Variants in PXDNL observed in about 807,000 individuals in gnomAD.
PXDNL encodes probable oxidoreductase PXDNL.
PXDNL carries 145 observed loss-of-function variants against 150.8 expected under a neutral mutation model. That is an observed-to-expected ratio of 0.96 (90% CI 0.84 to 1.10). The LOEUF (loss-of-function observed/expected upper bound fraction) is 1.10, where lower values mean the gene tolerates loss of function less well. Ranked by LOEUF, PXDNL falls within the 50% of genes least tolerant of loss-of-function variation. The probability of loss-of-function intolerance (pLI) is 0.00; values close to 1 mark genes in which losing one functional copy is unlikely to be tolerated. For missense variants in PXDNL, 2,087 were observed against 1,873.9 expected (o/e 1.11, Z -2.10); for synonymous variants, 757 against 725.7 (o/e 1.04, Z -0.69).
intron 2 of PXDNL, among the ~76,000 whole-genome samples, chr8:51,623,152 C>T (rs902605186): frequency 8.5e-5 from 13 of 152,142 alleles, no homozygotes; most frequent in Admixed American, 8.5e-4. Context: ...TTTCATTGTC[C>T]TCTCTCTGGC....
At chr8:51,502,797 G>C (rs1276086216) in intron 4 of PXDNL, among the ~76,000 whole-genome samples, 1 of 151,988 alleles carries the variant, frequency 6.6e-6, no homozygotes, top group Non-Finnish European at 1.5e-5. Flanking sequence ...ATCCTCCATA[G>C]TTTGCACAGG....
At chr8:51,803,573 C>G (rs1232651740) in intron 1 of PXDNL, among the ~76,000 whole-genome samples, 3 of 152,170 alleles carry the variant, frequency 2.0e-5, no homozygotes, top group Admixed American at 2.0e-4. Flanking sequence ...CCTCCTGAGT[C>G]TTCGGTAGAT....
At chr8:51,374,771 A>G (rs181302149) in intron 17 of PXDNL, 40 bp from the exon 18 acceptor site, 642 of 1,597,550 alleles carry the variant, frequency 4.0e-4, no homozygotes, top group Non-Finnish European at 5.0e-4. Context: ...CCTGAGACTG[A>G]AAGTGGAATT....
At position 51,319,958 on chromosome 8, in the gene PXDNL, A is replaced by C. The variant is rs1055956418; in HGVS notation, c.4325T>G (p.Val1442Gly). 6.3e-7 allele frequency: 1 copy of C among 1,580,474 alleles called. No homozygotes were observed. The highest frequency in any genetic ancestry group is 8.6e-7 in the Non-Finnish European group (1 of 1,164,230). ...GCAAACTGGACAGCAGGTTCCTTTCACCAATTCAGGACTGGGACAGGGAGC... is the reference window on the plus strand; with the variant it reads ...GCAAACTGGACAGCAGGTTCCTTTCCCCAATTCAGGACTGGGACAGGGAGC... ...PPAPCPSPEL[V>G]KGTCCPVCRD... Residue 1442 changes from valine (V) to glycine (G), a missense_variant, in exon 23 of 23, where the codon GTG (valine) becomes GGG (glycine). Physicochemically the swap from Val to Gly is moderately radical, Grantham distance 109. Transcript: ENST00000356297.
At chr8:51,325,553 T>A (rs955124032) in intron 21 of PXDNL, among the ~76,000 whole-genome samples, 4 of 152,132 alleles carry the variant, frequency 2.6e-5, no homozygotes, top group Non-Finnish European at 4.4e-5. Context: ...ATGGCCTCCA[T>A]GCACCTCAGG....
At chr8:51,710,050 G>A (rs923654587) in intron 1 of PXDNL, among the ~76,000 whole-genome samples, 2 of 152,104 alleles carry the variant, frequency 1.3e-5, no homozygotes, top group African/African-American at 4.8e-5. Context: ...AGCCAATCAA[G>A]GTATTTAAAC....
At chr8:51,647,917 C>T (rs1451818506) in intron 2 of PXDNL, among the ~76,000 whole-genome samples, 1 of 151,838 alleles carries the variant, frequency 6.6e-6, no homozygotes, top group Non-Finnish European at 1.5e-5. Context: ...TTACTTTTTG[C>T]CTATTTTTTA....
intron 1 of PXDNL, among the ~76,000 whole-genome samples, chr8:51,705,837 GC>G (rs1816366326): frequency 2.2e-4 from 2 of 9,026 alleles, no homozygotes; most frequent in African/African-American, 9.0e-4. Context: ...GTGTGTGCGC[GC>G]GCGCGCGCGC....
intron 17 of PXDNL, among the ~76,000 whole-genome samples, chr8:51,388,881 T>C (rs551801157): frequency 2.0e-5 from 3 of 152,328 alleles, no homozygotes; most frequent in East Asian, 1.9e-4. Flanking sequence ...TTAAATTATA[T>C]ATATCATGTC....
intron 1 of PXDNL, among the ~76,000 whole-genome samples, chr8:51,671,853 G>A (rs1221959396): frequency 6.6e-6 from 1 of 152,114 alleles, no homozygotes; most frequent in Non-Finnish European, 1.5e-5. Flanking sequence ...CCAGTATATA[G>A]TAGTCATAAA....
chr8:51,507,047 C>T (rs1466814022), intron 4 of PXDNL, among the ~76,000 whole-genome samples: 2 of 152,116 alleles, frequency 1.3e-5, no homozygotes, highest in Non-Finnish European at 2.9e-5. Context: ...ATTCCTCTGG[C>T]TCCTTTAGTA....
At chr8:51,465,342 A>G (rs1184381138) in intron 8 of PXDNL, among the ~76,000 whole-genome samples, 2 of 152,122 alleles carry the variant, frequency 1.3e-5, no homozygotes, top group Non-Finnish European at 2.9e-5. Context: ...TTTCTATAAA[A>G]TCCAACATTC....
At chr8:51,339,857 T>A in intron 20 of PXDNL, 104 bp from the exon 21 acceptor site, 1 of 1,069,248 alleles carries the variant, frequency 9.4e-7, no homozygotes. Context: ...TACAAGGCAT[T>A]GTGATTGGTG....
At chr8:51,451,113 T>C (rs1399267317) in intron 10 of PXDNL, among the ~76,000 whole-genome samples, 2 of 151,116 alleles carry the variant, frequency 1.3e-5, no homozygotes, top group African/African-American at 4.8e-5. Flanking sequence ...TTAATAATTA[T>C]TAACATATTA....
In PXDNL at chr8:51,798,462, G is replaced by T. The variant is rs536071190; in HGVS notation, c.164+10719C>A. Among the ~76,000 whole-genome samples the T allele has an allele frequency of 2.0e-5, 3 of 152,106 alleles. No individual in the cohort carries two copies. In the East Asian group the frequency reaches 5.8e-4, roughly 29 times the overall value. ...TGAGAAAGCCTAATATCCAAAATCT[G>T]CAAGGAACTTAAACAAATTTACAAG... is the stretch of plus-strand genomic sequence containing the variant. On this transcript the variant is annotated intron_variant, in intron 1 of 22. Transcript: ENST00000356297.
intron 3 of PXDNL, among the ~76,000 whole-genome samples, chr8:51,565,305 AATAAATAAATAAATAAATAGATAG>A (rs1563466531): frequency 2.2e-5 from 3 of 135,442 alleles, no homozygotes; most frequent in African/African-American, 9.8e-5. Context: ...TAAATAAATA[AATAAATAAATAAATAAATAGATAG>A]ATAGATAGAT....
chr8:51,352,570 G>A (rs918088634), intron 19 of PXDNL, among the ~76,000 whole-genome samples: 3 of 152,094 alleles, frequency 2.0e-5, no homozygotes, highest in Admixed American at 2.0e-4. Flanking sequence ...CTTCCCCTTT[G>A]CTCTCTCTTC....
intron 2 of PXDNL, among the ~76,000 whole-genome samples, chr8:51,600,968 A>G (rs1382597698): frequency 7.2e-6 from 1 of 138,878 alleles, no homozygotes; most frequent in African/African-American, 2.9e-5. Flanking sequence ...AAATTATATA[A>G]TTTATATAAT....
intron 8 of PXDNL, among the ~76,000 whole-genome samples, chr8:51,466,574 C>A (rs913829527): frequency 6.6e-6 from 1 of 152,098 alleles, no homozygotes; most frequent in Non-Finnish European, 1.5e-5. Context: ...AGCTTCTGCA[C>A]AGCAAGATAA....
Sources: gnomAD v4.1 joint callset for allele counts (sites outside exome capture counted in the v4.1 genomes callset) on GRCh38, gnomAD v4.1.1 for gene constraint, MANE v1.5 for transcripts, NCBI Gene and HGNC (gene_info 2026-07-23, HGNC 2026-07-21) for gene names.